Variants in LCMT1 observed in about 807,000 individuals in gnomAD.
The protein encoded by LCMT1 is leucine carboxyl methyltransferase 1.
Under a neutral mutation model 47.7 loss-of-function variants are expected in LCMT1, and 32 were observed. That is an observed-to-expected ratio of 0.67 (90% confidence interval 0.51 to 0.90). LCMT1 has a LOEUF of 0.90. LCMT1 is among the 40% of genes least tolerant of loss of function. The pLI, the probability that LCMT1 is intolerant of heterozygous loss-of-function variation, is 0.00. For missense variants in LCMT1, 375 were observed against 415.2 expected (o/e 0.90, Z 0.84); for synonymous variants, 152 against 149.7 (o/e 1.02, Z -0.11).
chr16:25,115,789 C>T (rs1959765764), intron 1 of LCMT1, among the ~76,000 whole-genome samples: 2 of 152,076 alleles, frequency 1.3e-5, no homozygotes, highest in African/African-American at 2.4e-5. Flanking sequence ...GCAATTCTCC[C>T]ACTTCAGCCT....
chr16:25,150,230 TAAAG>T (rs148187331), intron 4 of LCMT1, among the ~76,000 whole-genome samples: 101,602 of 151,214 alleles, frequency 0.67, 34,587 homozygotes, highest in Non-Finnish European at 0.74. Context: ...AACTGAGGCT[TAAAG>T]AAGTTAATTT....
chr16:25,120,138 C>T (rs533246124), intron 1 of LCMT1, among the ~76,000 whole-genome samples: 22 of 151,244 alleles, frequency 1.5e-4, no homozygotes, highest in African/African-American at 3.9e-4. Flanking sequence ...CCAGCCTGGG[C>T]GACAGAGCGA....
intron 10 of LCMT1, among the ~76,000 whole-genome samples, chr16:25,176,671 C>T (rs1207730695): frequency 6.9e-6 from 1 of 145,732 alleles, no homozygotes; most frequent in Non-Finnish European, 1.5e-5. Flanking sequence ...AAGTGATTCT[C>T]CTGCCTCAGC....
intron 9 of LCMT1, among the ~76,000 whole-genome samples, chr16:25,172,970 G>A (rs1961818140): frequency 6.6e-6 from 1 of 152,234 alleles, no homozygotes; most frequent in Non-Finnish European, 1.5e-5. Context: ...ATGTTTCCAG[G>A]ACCTTCTGTA....
chr16:25,145,399 A>C (rs1225379103), intron 4 of LCMT1: 2 of 152,234 alleles, frequency 1.3e-5, no homozygotes, highest in African/African-American at 4.8e-5. Context: ...GCCTTCCCAG[A>C]AGCCCTGGGG....
At chr16:25,148,367 G>GA (rs1283980978) in intron 4 of LCMT1, 1 of 152,254 alleles carries the variant, frequency 6.6e-6, no homozygotes, top group African/African-American at 2.4e-5. Context: ...CCCGCATAAA[G>GA]GCAGCACCCA....
chr16:25,164,070 A>G (rs992714538), intron 6 of LCMT1, among the ~76,000 whole-genome samples: 1 of 152,128 alleles, frequency 6.6e-6, no homozygotes, highest in Admixed American at 6.6e-5. Context: ...TCTCTTCCAC[A>G]GGTCTTCTCC....
chr16:25,120,716 A>G (rs1597559011), intron 1 of LCMT1, among the ~76,000 whole-genome samples: 1 of 143,672 alleles, frequency 7.0e-6, no homozygotes, highest in South Asian at 2.2e-4. Context: ...GGCGTGAGAC[A>G]CCGCACCTGG....
At chr16:25,124,193 A>G (rs1960087602) in intron 1 of LCMT1, among the ~76,000 whole-genome samples, 1 of 152,230 alleles carries the variant, frequency 6.6e-6, no homozygotes, top group Non-Finnish European at 1.5e-5. Flanking sequence ...ACCTGTTATT[A>G]TAAAACAGTA....
intron 5 of LCMT1, among the ~76,000 whole-genome samples, chr16:25,156,194 G>A (rs903252001): frequency 1.3e-5 from 2 of 152,144 alleles, no homozygotes; most frequent in Admixed American, 6.5e-5. Context: ...GCCGCCTTAT[G>A]TCACACTCTT....
rs979476076 is a variant in LCMT1 at position 25,169,164 on chromosome 16, G to A, written c.743G>A (p.Arg248His). The change falls in exon 8 of 11, where the codon CGC becomes CAC. Residue 248 changes from arginine (R) to histidine (H), a missense_variant. Transcript: ENST00000399069. ...ATCATGATTGAAAACCTGCGGAGAC[G>A]CCAGTGTGACCTGGCGGGAGTGGAG... is the stretch of plus-strand genomic sequence containing the variant. Reference protein sequence around the residue: ...GQIMIENLRRRQCDLAGVETC... With the variant: ...GQIMIENLRRHQCDLAGVETC... 2 of 1,613,594 alleles carry A rather than the reference G, an allele frequency of 1.2e-6. No homozygotes were observed. Among genetic ancestry groups the A allele is most frequent in the Non-Finnish European group, 1.7e-6 (2 of 1,179,758 alleles).
chr16:25,120,448 A>T (rs1226058291), intron 1 of LCMT1, among the ~76,000 whole-genome samples: 1 of 142,212 alleles, frequency 7.0e-6, no homozygotes, highest in African/African-American at 2.6e-5. Flanking sequence ...TTTTTGAGAC[A>T]GAGTCTCGCT....
intron 3 of LCMT1, among the ~76,000 whole-genome samples, chr16:25,134,550 A>C (rs1597573497): frequency 6.6e-6 from 1 of 152,246 alleles, no homozygotes; most frequent in East Asian, 1.9e-4. Context: ...GTGGTTTTTC[A>C]GGAGGGTGAC....
At chr16:25,112,504 G>GT (rs1346035583) in intron 1 of LCMT1, among the ~76,000 whole-genome samples, 1 of 152,212 alleles carries the variant, frequency 6.6e-6, no homozygotes, top group Non-Finnish European at 1.5e-5. Context: ...ACTGTTAAGG[G>GT]TGTGGTGGTG....
At chr16:25,146,817 G>A (rs1224428875) in intron 4 of LCMT1, 1 of 152,214 alleles carries the variant, frequency 6.6e-6, no homozygotes, top group East Asian at 1.9e-4. Flanking sequence ...AGACTACTGG[G>A]ATCTCCTTCT....
chr16:25,140,037 G>A (rs555572664), intron 3 of LCMT1, 134 bp from the exon 4 acceptor site: 5 of 649,588 alleles, frequency 7.7e-6, no homozygotes, highest in African/African-American at 1.8e-5. Flanking sequence ...CGAAAAACAC[G>A]TCTGCCCATA....
intron 1 of LCMT1, among the ~76,000 whole-genome samples, chr16:25,126,862 CA>C (rs1470916481): frequency 6.6e-6 from 1 of 152,184 alleles, no homozygotes; most frequent in Admixed American, 6.5e-5. Context: ...TTGATGAGAT[CA>C]TTTCTAAGGT....
At chr16:25,156,873 T>A (rs773250136) in intron 5 of LCMT1, among the ~76,000 whole-genome samples, 9 of 152,022 alleles carry the variant, frequency 5.9e-5, no homozygotes, top group Non-Finnish European at 1.2e-4. Context: ...TGAGTGTCAG[T>A]TGGGTGGTCA....
At chr16:25,149,511 C>T (rs929203510) in intron 4 of LCMT1, among the ~76,000 whole-genome samples, 3 of 152,212 alleles carry the variant, frequency 2.0e-5, no homozygotes, top group Non-Finnish European at 4.4e-5. Context: ...TTATGACTCT[C>T]CATCCATTAA....
Sources: gnomAD v4.1 joint callset for allele counts (sites outside exome capture counted in the v4.1 genomes callset) on GRCh38, gnomAD v4.1.1 for gene constraint, MANE v1.5 for transcripts, NCBI Gene and HGNC (gene_info 2026-07-23, HGNC 2026-07-21) for gene names.